Variants in ZNF226 observed in about 807,000 individuals in gnomAD.
The protein encoded by ZNF226 is Kruppel-associated box protein.
ZNF226 carries 6 observed loss-of-function variants against 11.4 expected under a neutral mutation model. That is an observed-to-expected ratio of 0.53 (90% CI 0.29 to 1.04). The LOEUF is 1.04. ZNF226 is among the 50% of genes least tolerant of loss of function. The pLI is 0.08. For synonymous variants in ZNF226, 350 were observed against 322.8 expected (o/e 1.08, Z -0.90); for missense variants, 1,058 against 956.5 (o/e 1.11, Z -1.40).
chr19:44,195,260 G>A, the ZNF226 span, among the ~76,000 whole-genome samples: 6 of 152,142 alleles, frequency 3.9e-5, no homozygotes, highest in Admixed American at 1.3e-4. Context: ...CTTACCAAAC[G>A]AAGGACGTCT....
At chr19:44,172,237 A>G in intron 4 of ZNF226, 23 bp downstream of exon 4, 1 of 1,604,036 alleles carries the variant, frequency 6.2e-7, no homozygotes, top group Non-Finnish European at 8.5e-7. Context: ...TCCCTCTGGA[A>G]TATCTTTGTG....
At chr19:44,184,589 A>C in the ZNF226 span, among the ~76,000 whole-genome samples, 3 of 151,528 alleles carry the variant, frequency 2.0e-5, no homozygotes, top group Admixed American at 6.6e-5. Flanking sequence ...TAAAAAAAAA[A>C]AAAGATTTCT....
In ZNF226 at chr19:44,177,407, A is replaced by T. The variant is rs755874951; in HGVS notation, c.2145A>T (p.Gln715His). The change falls in exon 6 of 6, where the codon CAA (glutamine) becomes CAT (histidine). Residue 715 changes from glutamine to histidine, a missense_variant. Coordinates refer to ENST00000337433, the MANE Select transcript of ZNF226 (RefSeq NM_001032373.2). The part of the protein sequence containing the change: ...GKYFSQASSL[Q>H]LHQSVHTGEK... ...ACTTCAGTCAGGCCTCAAGTCTTCA[A>T]CTTCATCAGAGTGTCCACACAGGAG... is the stretch of plus-strand genomic sequence containing the variant. 4.3e-6 allele frequency: 7 copies of T among 1,614,058 alleles called. No homozygotes were observed. Among genetic ancestry groups the T allele is most frequent in the Non-Finnish European group, 5.9e-6 (7 of 1,179,994 alleles).
chr19:44,169,036 TCTCA>T (rs1969760683), intron 2 of ZNF226, among the ~76,000 whole-genome samples: 2 of 123,852 alleles, frequency 1.6e-5, no homozygotes, highest in Admixed American at 2.0e-4. Context: ...TGAGACAGAG[TCTCA>T]CTCAGTCGCC....
chr19:44,194,667 C>T, the ZNF226 span, among the ~76,000 whole-genome samples: 34 of 152,258 alleles, frequency 2.2e-4, no homozygotes, highest in African/African-American at 7.9e-4. Flanking sequence ...GAGTTAACTA[C>T]TATTTTTCTG....
In ZNF226 at chr19:44,177,222, C is replaced by G; in HGVS notation, c.1960C>G (p.Arg654Gly). Residue 654 changes from arginine (R) to glycine (G), a missense_variant, in exon 6 of 6, where the codon CGG becomes GGG. By Grantham distance (125) the Arg-to-Gly change is moderately radical. Transcript: ENST00000337433. ...KCEECGKSFG[R>G]SAHLQAHQKV... is the part of the protein sequence containing the mutation. ...TGAAGAATGTGGGAAGAGTTTCGGT[C>G]GGAGTGCACATCTTCAAGCCCATCA... 6.2e-7 allele frequency: 1 copy of G among 1,613,714 alleles called. No individual in the cohort carries two copies.
At chr19:44,190,483 G>A in the ZNF226 span, among the ~76,000 whole-genome samples, 19 of 152,054 alleles carry the variant, frequency 1.2e-4, no homozygotes, top group Admixed American at 8.5e-4. Context: ...ACAGGCGCCC[G>A]CCACCACGCC....
rs1970276545 is a variant in ZNF226 at position 44,172,951 on chromosome 19, A to G, written c.234A>G (p.Leu78=). 1.3e-6 allele frequency: 2 copies of G among 1,592,484 alleles called. No individual in the cohort carries two copies. The highest frequency in any genetic ancestry group is 1.7e-6 in the Non-Finnish European group (2 of 1,169,054). The change falls in exon 5 of 6, where the codon TTA becomes TTG. Residue 78 remains leucine, a splice_region_variant and synonymous_variant. Coordinates refer to ENST00000337433, the MANE Select transcript of ZNF226 (RefSeq NM_001032373.2). ...MTTATRRQGN[L]GEKNQSKLIT... is the part of the protein sequence containing the mutation. ...CAGCAACCCGAAGACAGGGAAATTT[A>G]GGTAAAAACCAAACAGTTATGAGTT...
chr19:44,175,950 G>T lies in ZNF226; in HGVS notation c.688G>T (p.Glu230Ter), dbSNP rs1399159138. 6.2e-7 allele frequency: 1 copy of T among 1,613,576 alleles called. No individual in the cohort carries two copies. The highest frequency in any genetic ancestry group is 2.2e-5 in the East Asian group (1 of 44,892). The change falls in exon 6 of 6, where the codon GAA becomes TAA. Residue 230 changes from glutamate to a stop codon, truncating the protein, a stop_gained. Transcript: ENST00000337433. LOFTEE classifies it low-confidence loss of function (END_TRUNC). The part of the protein sequence containing the change: ...SEKSYRPNDY[E>*]KDNMKILTFD... ...AAAATCTTATAGACCCAATGATTAT[G>T]AAAAAGACAACATGAAGATTTTGAC... is the stretch of plus-strand genomic sequence containing the variant.
At chr19:44,184,368 T>G in the ZNF226 span, among the ~76,000 whole-genome samples, 1 of 152,148 alleles carries the variant, frequency 6.6e-6, no homozygotes, top group South Asian at 2.1e-4. Flanking sequence ...GATCACGAGG[T>G]CAGGGGTTCA....
intron 3 of ZNF226, among the ~76,000 whole-genome samples, chr19:44,171,176 C>A (rs533950297): frequency 6.6e-6 from 1 of 152,042 alleles, no homozygotes; most frequent in Non-Finnish European, 1.5e-5. Context: ...CTGAAAAAAT[C>A]AATTTTGAAA....
chr19:44,177,757 C>T, downstream of ZNF226: 1 of 1,411,704 alleles, frequency 7.1e-7, no homozygotes, highest in Non-Finnish European at 9.4e-7. Context: ...TCCTCATGTC[C>T]CAGTGGTCCA....
chr19:44,165,501 T>C (rs1194515700), intron 1 of ZNF226: 1 of 152,118 alleles, frequency 6.6e-6, no homozygotes, highest in Non-Finnish European at 1.5e-5. Flanking sequence ...AACTTCCTAA[T>C]AGAATGTTTT....
At chr19:44,194,060 A>G in the ZNF226 span, among the ~76,000 whole-genome samples, 6 of 152,328 alleles carry the variant, frequency 3.9e-5, no homozygotes, top group East Asian at 7.7e-4. Flanking sequence ...TCATCTTTTT[A>G]TACTTGGCAG....
chr19:44,183,732 T>G, the ZNF226 span, among the ~76,000 whole-genome samples: 1 of 152,242 alleles, frequency 6.6e-6, no homozygotes, highest in African/African-American at 2.4e-5. Flanking sequence ...AGAAATTGAC[T>G]TCATTTGCAG....
chr19:44,186,887 T>TTA, the ZNF226 span, among the ~76,000 whole-genome samples: 85,842 of 149,088 alleles, frequency 0.58, 24,769 homozygotes, highest in Admixed American at 0.67. Flanking sequence ...TTTTTTTTTT[T>TTA]AATCATGAAA....
At chr19:44,187,444 C>T in the ZNF226 span, among the ~76,000 whole-genome samples, 4 of 151,638 alleles carry the variant, frequency 2.6e-5, no homozygotes, top group South Asian at 2.1e-4. This position sits in a 1 kb window ranked among gnomAD's most constrained non-coding sequence, Gnocchi z 4.0. Context: ...TTTTTTATTT[C>T]TGTGACATCA....
Position 44,176,768 on chromosome 19 carries a change from A to G in ZNF226, c.1506A>G (p.Pro502=). The G allele has an allele frequency of 6.2e-7, 1 of 1,614,158 alleles. No individual in the cohort carries two copies. The highest frequency in any genetic ancestry group is 8.5e-7 in the Non-Finnish European group (1 of 1,180,020). Residue 502 remains proline (P), a synonymous_variant, in exon 6 of 6, where the codon CCA becomes CCG. Coordinates refer to ENST00000337433, the MANE Select transcript of ZNF226 (RefSeq NM_001032373.2). ...AGAGAGTCCACACTGGAGAGAAGCCATACAAATGCAATGAGTGTGGGAAGA... is the reference window on the plus strand; with the variant it reads ...AGAGAGTCCACACTGGAGAGAAGCCGTACAAATGCAATGAGTGTGGGAAGA... ...AHQRVHTGEK[P]YKCNECGKSF...
chr19:44,174,020 A>G (rs1970420943), intron 5 of ZNF226: 1 of 152,224 alleles, frequency 6.6e-6, no homozygotes, highest in Admixed American at 6.5e-5. Flanking sequence ...AAATGAGTTA[A>G]TGGAAATCTG....
Sources: allele counts gnomAD v4.1 joint callset (sites outside exome capture counted in the v4.1 genomes callset), GRCh38; gene constraint gnomAD v4.1.1; non-coding constraint Gnocchi (gnomAD v3.1); transcripts MANE v1.5; gene names NCBI Gene and HGNC (gene_info 2026-07-23, HGNC 2026-07-21).